The following POLR1C variants were observed in gnomAD, a reference collection of about 807,000 sequenced individuals.
The protein encoded by POLR1C is DNA-directed RNA polymerases I and III subunit RPAC1.
A neutral mutation model predicts 38.3 loss-of-function variants in POLR1C; 42 were observed. The ratio of observed to expected loss-of-function variants is 1.10; its 90% CI spans 0.86 to 1.42. The LOEUF is 1.42. Among genes scored for constraint, POLR1C ranks in the 40% most tolerant of loss-of-function variants. The pLI is 0.00. For missense variants in POLR1C, 507 were observed against 450.5 expected (o/e 1.13, Z -1.14); for synonymous variants, 163 against 163.9 (o/e 0.99, Z 0.04).
intron 6 of POLR1C, 78 bp from the exon 7 acceptor site, chr6:43,520,547 G>T: frequency 1.2e-6 from 2 of 1,602,116 alleles, no homozygotes; most frequent in East Asian, 4.5e-5. Flanking sequence ...TTGTGCTTTT[G>T]CTGTTAGTAG....
intron 10 of POLR1C, among the ~76,000 whole-genome samples, chr6:43,554,215 T>C (rs189540200): frequency 7.1e-4 from 108 of 151,898 alleles, no homozygotes; most frequent in Admixed American, 2.0e-3. Context: ...GAAGCAATTC[T>C]CCGCCTCAGC....
chr6:43,526,612 A>G, intron 8 of POLR1C: 2 of 1,563,694 alleles, frequency 1.3e-6, no homozygotes, highest in Admixed American at 3.5e-5. Flanking sequence ...CTGCAAGGAA[A>G]CTGACCTGGT....
chr6:43,552,618 G>A (rs960898986), intron 10 of POLR1C, among the ~76,000 whole-genome samples: 3 of 152,192 alleles, frequency 2.0e-5, no homozygotes, highest in African/African-American at 7.2e-5. Context: ...CTCCCAAAGT[G>A]CTGCGATTAC....
chr6:43,521,449 T>G lies in POLR1C; in HGVS notation c.*149T>G, dbSNP rs1201156420. ...TCAATACATTTTGTTAAATGTGCCA[T>G]AAAATGAGACTTTTTACGCCTTTAT... is the stretch of plus-strand genomic sequence containing the variant. On this transcript the variant is annotated 3_prime_UTR_variant, in exon 9 of 9. Coordinates refer to ENST00000642195, the MANE Select transcript of POLR1C (RefSeq NM_203290.4). 1.1e-5 allele frequency: 16 copies of G among 1,513,424 alleles called. No individual in the cohort carries two copies. The highest frequency in any genetic ancestry group is 1.3e-5 in the Non-Finnish European group (15 of 1,132,758). 93.7% of individuals were successfully genotyped at this position (1,513,424 alleles called of 1,614,324 possible). A position where few individuals can be genotyped will look rare whatever the true frequency, so the allele number is the denominator to read the frequency against.
At chr6:43,542,116 C>T (rs988747587) in intron 9 of POLR1C, among the ~76,000 whole-genome samples, 4 of 152,010 alleles carry the variant, frequency 2.6e-5, no homozygotes, top group African/African-American at 9.7e-5. Context: ...TTTATACTTA[C>T]AGTTCATCTC....
intron 8 of POLR1C, chr6:43,527,146 C>A: frequency 4.5e-6 from 1 of 223,684 alleles, no homozygotes; most frequent in East Asian, 1.0e-4. Flanking sequence ...CCTAATGAAT[C>A]CAAATTCCTT....
chr6:43,547,304 G>C (rs1378538008), intron 9 of POLR1C: 2 of 447,830 alleles, frequency 4.5e-6, no homozygotes, highest in South Asian at 2.0e-5. Flanking sequence ...AGCAATGGCA[G>C]GGAGGACTCA....
chr6:43,537,568 G>C (rs1794415790), intron 9 of POLR1C, among the ~76,000 whole-genome samples: 1 of 152,210 alleles, frequency 6.6e-6, no homozygotes, highest in Non-Finnish European at 1.5e-5. Context: ...TCCAACGGAA[G>C]TTTACTTACA....
At chr6:43,528,936 A>C in intron 8 of POLR1C, 4 of 1,608,284 alleles carry the variant, frequency 2.5e-6, no homozygotes, top group Non-Finnish European at 3.4e-6. Context: ...GTGCTGCAAC[A>C]AGTTAAGAAA....
intron 10 of POLR1C, chr6:43,558,545 C>T (rs1022414202): frequency 5.0e-6 from 8 of 1,603,820 alleles, no homozygotes; most frequent in African/African-American, 2.7e-5. Flanking sequence ...AAAATCAAAC[C>T]GAGAATATTC....
intron 2 of POLR1C, chr6:43,519,119 T>C (rs1793003934): frequency 1.7e-6 from 1 of 601,540 alleles, no homozygotes; most frequent in Admixed American, 2.7e-5. Flanking sequence ...GGAAGCCATA[T>C]TGCATAGGGT....
Position 43,517,190 on chromosome 6 carries a change from G to A in POLR1C, c.69+12G>A. ...TTGGGGTTCGCAATGTAAGCCTTGTGGCCTTGAGCTCGGGCGGGAGGAATG... is the reference window on the plus strand; with the variant it reads ...TTGGGGTTCGCAATGTAAGCCTTGTAGCCTTGAGCTCGGGCGGGAGGAATG... On this transcript the variant is annotated intron_variant, in intron 1 of 8. Coordinates refer to ENST00000642195, the MANE Select transcript of POLR1C (RefSeq NM_203290.4). 1 of 1,613,830 alleles carries A rather than the reference G, an allele frequency of 6.2e-7. No individual in the cohort carries two copies. The highest frequency in any genetic ancestry group is 8.5e-7 in the Non-Finnish European group (1 of 1,179,768).
chr6:43,550,032 C>A (rs73426772), intron 9 of POLR1C: 32 of 1,263,894 alleles, frequency 2.5e-5, no homozygotes, highest in Non-Finnish European at 3.5e-5. Flanking sequence ...CTGGGCTCAA[C>A]TGATTCTCCT....
chr6:43,535,374 G>A (rs1794251491), intron 9 of POLR1C, among the ~76,000 whole-genome samples: 2 of 152,168 alleles, frequency 1.3e-5, no homozygotes, highest in Middle Eastern at 3.4e-3. Context: ...TGGATCATCT[G>A]AGGTCAGGAG....
chr6:43,539,972 G>A (rs1794598483), intron 9 of POLR1C, among the ~76,000 whole-genome samples: 4 of 152,326 alleles, frequency 2.6e-5, no homozygotes, highest in Admixed American at 2.0e-4. Context: ...ATAGAAGACG[G>A]GGCTGGGCAC....
At chr6:43,538,341 G>A (rs1339446054) in intron 9 of POLR1C, among the ~76,000 whole-genome samples, 1 of 151,486 alleles carries the variant, frequency 6.6e-6, no homozygotes, top group Non-Finnish European at 1.5e-5. Context: ...AGTAGAGATG[G>A]GGTTTTGTCA....
chr6:43,553,526 T>G (rs1030303411), intron 10 of POLR1C: 2 of 1,447,422 alleles, frequency 1.4e-6, no homozygotes, highest in Non-Finnish European at 9.3e-7. Flanking sequence ...CACACACACA[T>G]ACACACACAC....
chr6:43,550,016 G>T, intron 9 of POLR1C: 1 of 1,431,822 alleles, frequency 7.0e-7, no homozygotes, highest in South Asian at 1.2e-5. Flanking sequence ...GACTAGACTT[G>T]AATTCCTGGG....
At chr6:43,539,714 C>G (rs1794582187) in intron 9 of POLR1C, 4 of 659,600 alleles carry the variant, frequency 6.1e-6, no homozygotes, top group Non-Finnish European at 1.0e-5. Context: ...TTGGTGTTTT[C>G]TCGGAGAAGA....
Sources: allele counts gnomAD v4.1 joint callset (sites outside exome capture counted in the v4.1 genomes callset), GRCh38; gene constraint gnomAD v4.1.1; transcripts MANE v1.5; gene names NCBI Gene and HGNC (gene_info 2026-07-23, HGNC 2026-07-21).